Variants in DGKB observed in about 807,000 individuals in gnomAD.
DGKB encodes the protein diacylglycerol kinase beta.
DGKB carries 67 observed loss-of-function variants against 114.3 expected under a neutral mutation model. That is an observed-to-expected ratio of 0.59 (90% CI 0.48 to 0.72). The LOEUF (loss-of-function observed/expected upper bound fraction) is 0.72, where lower values mean the gene tolerates loss of function less well. Among genes scored for constraint, DGKB ranks in the 30% least tolerant of loss-of-function variants. The pLI, the probability that DGKB is intolerant of heterozygous loss-of-function variation, is 0.00. For missense variants in DGKB, 907 were observed against 975.2 expected, an observed-to-expected ratio of 0.93 and a Z score of 0.93; for synonymous variants, 398 against 323.1, an observed-to-expected ratio of 1.23 and a Z score of -2.49.
intron 20 of DGKB, among the ~76,000 whole-genome samples, chr7:14,502,711 G>T (rs910607068): frequency 1.3e-5 from 2 of 152,036 alleles, no homozygotes; most frequent in African/African-American, 4.8e-5. Flanking sequence ...TATACATAAA[G>T]TATCTATATG....
chr7:14,185,928 T>C (rs1336235513), intron 23 of DGKB, among the ~76,000 whole-genome samples: 1 of 152,142 alleles, frequency 6.6e-6, no homozygotes, highest in African/African-American at 2.4e-5. Context: ...GAAGATAACA[T>C]TGGAAAAACT....
At chr7:14,295,462 G>T (rs1249606430) in intron 23 of DGKB, among the ~76,000 whole-genome samples, 2 of 152,034 alleles carry the variant, frequency 1.3e-5, no homozygotes, top group African/African-American at 4.8e-5. Context: ...CCTAAAATCT[G>T]CATTTGTTTA....
At chr7:14,708,547 C>G (rs950478208) in intron 6 of DGKB, among the ~76,000 whole-genome samples, 2 of 151,428 alleles carry the variant, frequency 1.3e-5, no homozygotes, top group African/African-American at 4.9e-5. Flanking sequence ...AGGCATCACA[C>G]TACCTGACTT....
At chr7:14,647,335 AAAC>A (rs940990701) in intron 13 of DGKB, among the ~76,000 whole-genome samples, 159 of 151,906 alleles carry the variant, frequency 1.0e-3, no homozygotes, top group Non-Finnish European at 1.4e-3. Context: ...CCCAAAAAGA[AAAC>A]AACAACAACA....
chr7:14,907,372 C>T (rs1783763392), upstream of DGKB, among the ~76,000 whole-genome samples: 1 of 152,178 alleles, frequency 6.6e-6, no homozygotes, highest in South Asian at 2.1e-4. Context: ...AGGTTAATTA[C>T]TGGCTCCATG....
At chr7:14,270,900 C>T (rs955585435) in intron 23 of DGKB, among the ~76,000 whole-genome samples, 7 of 152,166 alleles carry the variant, frequency 4.6e-5, no homozygotes, top group Admixed American at 2.6e-4. Context: ...AGTGATTTTT[C>T]AAGAAGAGAG....
rs182682854 is a variant in DGKB, at chr7:14,463,859, C to T, written c.1835+14302G>A. ...TTTAGTAGAGTATCTGGAACATACC[C>T]CAGCCTTTAAGAAATATAAATGATG... On this transcript the variant is annotated intron_variant, in intron 21 of 25. Coordinates refer to ENST00000402815, the MANE Select transcript of DGKB (RefSeq NM_001350709.2). Among the ~76,000 whole-genome samples the T allele has an allele frequency of 1.5e-3, 232 of 152,142 alleles. 1 individual carries two copies. Among genetic ancestry groups the T allele is most frequent in the African/African-American group, 5.3e-3 (222 of 41,504 alleles).
intron 16 of DGKB, among the ~76,000 whole-genome samples, chr7:14,609,304 T>C (rs964156560): frequency 3.3e-5 from 5 of 152,096 alleles, no homozygotes; most frequent in Non-Finnish European, 7.4e-5. Context: ...GGACTTCCTA[T>C]TCAATACATG....
chr7:14,696,382 C>T (rs1823898833), intron 8 of DGKB, among the ~76,000 whole-genome samples: 1 of 151,860 alleles, frequency 6.6e-6, no homozygotes, highest in African/African-American at 2.4e-5. Flanking sequence ...GTAGTCCCAG[C>T]TACTCGGGAG....
At chr7:14,624,458 T>C (rs1471469347) in intron 14 of DGKB, among the ~76,000 whole-genome samples, 1 of 152,200 alleles carries the variant, frequency 6.6e-6, no homozygotes, top group Non-Finnish European at 1.5e-5. Context: ...TGCACCAGAT[T>C]ATATATTTAT....
chr7:14,893,020 C>T (rs116757942), intron 1 of DGKB, among the ~76,000 whole-genome samples: 1,819 of 150,802 alleles, frequency 0.012, 27 homozygotes, highest in African/African-American at 0.042. Context: ...ATACACTTTT[C>T]GTAGATATTT....
At chr7:14,812,042 T>C (rs552068662) in intron 2 of DGKB, among the ~76,000 whole-genome samples, 5 of 152,246 alleles carry the variant, frequency 3.3e-5, no homozygotes, top group African/African-American at 1.2e-4. Flanking sequence ...AATCATACAT[T>C]TGTATTTTCG....
At chr7:14,698,048 G>A in intron 8 of DGKB, 47 bp downstream of exon 8, 1 of 951,586 alleles carries the variant, frequency 1.1e-6, no homozygotes, top group Non-Finnish European at 1.6e-6. Flanking sequence ...AAGAAAGAAA[G>A]AGGCCTTCCA....
At chr7:14,845,105 TCAAAAAAAA>T (rs1562698881) in intron 1 of DGKB, among the ~76,000 whole-genome samples, 2 of 41,520 alleles carry the variant, frequency 4.8e-5, no homozygotes, top group African/African-American at 2.1e-4. Context: ...AGGCCCTGTG[TCAAAAAAAA>T]AAAAAAAAAA....
intron 1 of DGKB, among the ~76,000 whole-genome samples, chr7:14,954,632 G>A (rs934757151): frequency 4.6e-5 from 7 of 152,082 alleles, no homozygotes; most frequent in Admixed American, 3.3e-4. Context: ...AAATATGGTG[G>A]CAAGATATAC....
chr7:14,817,519 A>C (rs2128095360), intron 2 of DGKB, among the ~76,000 whole-genome samples: 1 of 152,336 alleles, frequency 6.6e-6, no homozygotes, highest in East Asian at 1.9e-4. Flanking sequence ...GAATGGTAAC[A>C]AAGTAATTTA....
Position 14,327,309 on chromosome 7 carries a change from C to CA in DGKB, c.2122+11205dup, listed in dbSNP as rs544493414. On this transcript the variant is annotated intron_variant, in intron 23 of 25. Transcript: ENST00000402815. ...GAAGACAAACAGCAGAAATGAGAAA[C>CA]AAAAAAAAGCAAACAGAAATTTAAA... is the stretch of plus-strand genomic sequence containing the variant. 2.7e-4 allele frequency among the ~76,000 whole-genome samples: 41 copies of CA among 149,528 alleles called. No homozygotes were observed. The South Asian group carries it at 6.5e-3, about 24-fold the overall frequency.
intron 20 of DGKB, among the ~76,000 whole-genome samples, chr7:14,540,899 C>T (rs1451864232): frequency 1.3e-5 from 2 of 152,038 alleles, no homozygotes; most frequent in African/African-American, 4.8e-5. Flanking sequence ...CTTGATAGAA[C>T]CTTTTGAATT....
intron 6 of DGKB, among the ~76,000 whole-genome samples, chr7:14,708,609 A>G (rs1358156520): frequency 6.6e-6 from 1 of 151,538 alleles, no homozygotes; most frequent in Admixed American, 6.6e-5. Flanking sequence ...ACTGGTACCA[A>G]AACAGAGATA....
Sources: allele counts gnomAD v4.1 joint callset (sites outside exome capture counted in the v4.1 genomes callset), GRCh38; gene constraint gnomAD v4.1.1; transcripts MANE v1.5; gene names NCBI Gene and HGNC (gene_info 2026-07-23, HGNC 2026-07-21).